LRRC42: variants seen among roughly 807,000 people sequenced by gnomAD.
LRRC42 encodes the protein leucine rich repeat containing 42.
LRRC42 carries 43 observed loss-of-function variants against 44.3 expected under a neutral mutation model. The observed-to-expected ratio is 0.97, with a 90% confidence interval of 0.76 to 1.25. The LOEUF (loss-of-function observed/expected upper bound fraction) is 1.25, where lower values mean the gene tolerates loss of function less well. LRRC42 is among the 50% of genes most tolerant of loss of function. The pLI, the probability that LRRC42 is intolerant of heterozygous loss-of-function variation, is 0.00. For synonymous variants in LRRC42, 207 were observed against 195.2 expected, an observed-to-expected ratio of 1.06 and a Z score of -0.50; for missense variants, 540 against 509.1, an observed-to-expected ratio of 1.06 and a Z score of -0.58.
chr1:53,954,211 C>A (rs897954625), intron 3 of LRRC42, among the ~76,000 whole-genome samples: 3 of 152,128 alleles, frequency 2.0e-5, no homozygotes, highest in Non-Finnish European at 4.4e-5. Flanking sequence ...AGGCCAAATA[C>A]TGTATTTTAA....
intron 5 of LRRC42, among the ~76,000 whole-genome samples, chr1:53,961,484 A>C (rs2100928887): frequency 6.6e-6 from 1 of 152,076 alleles, no homozygotes; most frequent in East Asian, 1.9e-4. Context: ...ATATTTTTTG[A>C]GCATCTACAA....
rs1362533748 is a variant in LRRC42, at chr1:53,967,965, C to T, written c.*26C>T. The T allele has an allele frequency of 1.9e-6, 3 of 1,599,376 alleles. No homozygotes were observed. The highest frequency in any genetic ancestry group is 2.7e-5 in the African/African-American group (2 of 74,412). ...TTAGTAGATACAAGTTGACCTTTCT[C>T]TGGCCCCCAGCTCTAGTGTTTGAGT... is the stretch of plus-strand genomic sequence containing the variant. On this transcript the variant is annotated 3_prime_UTR_variant, in exon 9 of 9. Coordinates refer to ENST00000371370, the MANE Select transcript of LRRC42 (RefSeq NM_001256409.2).
intron 2 of LRRC42, among the ~76,000 whole-genome samples, chr1:53,948,196 TTATC>T (rs1654578815): frequency 6.6e-6 from 1 of 152,212 alleles, no homozygotes; most frequent in Non-Finnish European, 1.5e-5. Context: ...TTATCTTACT[TTATC>T]TACTGAAGTT....
chr1:53,960,920 G>A (rs1372555582), intron 5 of LRRC42, among the ~76,000 whole-genome samples: 2 of 152,162 alleles, frequency 1.3e-5, no homozygotes, highest in African/African-American at 4.8e-5. Context: ...GAGGTTGACA[G>A]AGATCATTTA....
intron 3 of LRRC42, among the ~76,000 whole-genome samples, chr1:53,955,475 T>C (rs1654811656): frequency 1.3e-5 from 2 of 151,354 alleles, no homozygotes; most frequent in Non-Finnish European, 2.9e-5. Context: ...TTTTGTATTT[T>C]TTGGTAGAGA....
Position 53,952,043 on chromosome 1 carries a change from C to G in LRRC42, c.44C>G (p.Pro15Arg), listed in dbSNP as rs1375900600. ...LSSENHLDPGPIYMRENGQLH... is the reference protein window; with the variant it reads ...LSSENHLDPGRIYMRENGQLH... The stretch of plus-strand genomic sequence containing the variant: ...TCAGAAAACCACCTGGACCCAGGGC[C>G]CATCTACATGCGAGAAAATGGGCAG... The change falls in exon 3 of 9, where the codon CCC becomes CGC. Residue 15 changes from proline to arginine, a missense_variant. Transcript: ENST00000371370. 2 of 1,614,124 alleles carry G rather than the reference C, an allele frequency of 1.2e-6. No individual in the cohort carries two copies. The highest frequency in any genetic ancestry group is 1.7e-6 in the Non-Finnish European group (2 of 1,180,018).
intron 6 of LRRC42, 24 bp downstream of exon 6, chr1:53,962,146 C>T: frequency 3.2e-6 from 5 of 1,584,072 alleles, no homozygotes; most frequent in Non-Finnish European, 4.3e-6. Flanking sequence ...TTCCTTCTCT[C>T]ATTTTTCTAG....
In LRRC42 at chr1:53,958,033, T is replaced by C. The variant is rs533730206; in HGVS notation, c.474-116T>C. 11 of 1,255,628 alleles carry C rather than the reference T, an allele frequency of 8.8e-6. No homozygotes were observed. In the East Asian group the frequency reaches 2.9e-4, roughly 33 times the overall value. The allele number at this position is 1,255,628 out of a possible 1,614,324, so 77.8% of individuals were successfully genotyped here. ...ATAGTAATTAGTGAAGTCTGCTTAT[T>C]CCATAGTACTGTGTCCTGATGGGAT... is the stretch of plus-strand genomic sequence containing the variant. On this transcript the variant is annotated intron_variant, in intron 3 of 8. Coordinates refer to ENST00000371370, the MANE Select transcript of LRRC42 (RefSeq NM_001256409.2).
At chr1:53,962,558 A>G (rs1370931885) in intron 7 of LRRC42, 149 bp downstream of exon 7, 3 of 633,990 alleles carry the variant, frequency 4.7e-6, no homozygotes, top group African/African-American at 3.6e-5. Context: ...CTGATGGGCT[A>G]TAACTGGCCC....
At chr1:53,961,998 A>G in intron 5 of LRRC42, 36 bp from the exon 6 acceptor site, 1 of 1,449,402 alleles carries the variant, frequency 6.9e-7, no homozygotes, top group Non-Finnish European at 9.6e-7. Context: ...CAGCATTTAT[A>G]TTGTGACAGA....
At chr1:53,955,632 T>C (rs1654816059) in intron 3 of LRRC42, among the ~76,000 whole-genome samples, 1 of 149,254 alleles carries the variant, frequency 6.7e-6, no homozygotes. Flanking sequence ...CATAATCTTT[T>C]TTTTTTTTTT....
At chr1:53,966,519 C>T (rs1371064982) in intron 8 of LRRC42, 139 bp downstream of exon 8, 3 of 627,522 alleles carry the variant, frequency 4.8e-6, no homozygotes, top group Admixed American at 2.6e-5. Flanking sequence ...ATTCCCTTAG[C>T]ATAGCTTACA....
chr1:53,966,427 C>A (rs532807789), intron 8 of LRRC42, 47 bp downstream of exon 8: 3 of 1,334,482 alleles, frequency 2.2e-6, no homozygotes, highest in Admixed American at 1.7e-5. Flanking sequence ...TTATTTGCAT[C>A]CTTAAAGCAG....
At chr1:53,960,612 C>T in intron 5 of LRRC42, 138 bp downstream of exon 5, 2 of 655,402 alleles carry the variant, frequency 3.1e-6, no homozygotes, top group Non-Finnish European at 5.1e-6. Flanking sequence ...GGTGGCAGAA[C>T]AGGATTGAGG....
At chr1:53,958,880 C>T (rs1037208056) in intron 4 of LRRC42, among the ~76,000 whole-genome samples, 1 of 151,752 alleles carries the variant, frequency 6.6e-6, no homozygotes, top group East Asian at 1.9e-4. Context: ...GCCACTGCGC[C>T]TGGCCCTATT....
At chr1:53,966,490 T>C in intron 8 of LRRC42, 110 bp downstream of exon 8, 1 of 717,630 alleles carries the variant, frequency 1.4e-6, no homozygotes, top group Admixed American at 2.2e-5. Context: ...TTGGCTTATT[T>C]ATGATCACCA....
intron 7 of LRRC42, 42 bp downstream of exon 7, chr1:53,962,451 AT>A: frequency 8.3e-7 from 1 of 1,209,544 alleles, no homozygotes. Flanking sequence ...GCAGCTTTTC[AT>A]CTTAATTCCA....
rs1028439782 is a variant in LRRC42 at position 53,958,384 on chromosome 1, T to C, written c.605+104T>C. The stretch of plus-strand genomic sequence containing the variant: ...ATGCTGATTACTTCCCATTCTTATG[T>C]TGATTTGCTTTTTTTTCCTAAAACA... On this transcript the variant is annotated intron_variant, in intron 4 of 8. Transcript: ENST00000371370. 62 of 1,441,524 alleles carry C rather than the reference T, an allele frequency of 4.3e-5. No homozygotes were observed. The African/African-American group carries it at 5.5e-4, about 13-fold the overall frequency. The allele number at this position is 1,441,524 out of a possible 1,614,324, so 89.3% of individuals were successfully genotyped here. A position where few individuals can be genotyped will look rare whatever the true frequency, so the allele number is the denominator to read the frequency against.
chr1:53,952,892 T>C (rs1654733377), intron 3 of LRRC42, among the ~76,000 whole-genome samples: 1 of 152,204 alleles, frequency 6.6e-6, no homozygotes, highest in South Asian at 2.1e-4. Context: ...CCTTAAAAGA[T>C]TGGGTGATTA....
Sources: allele counts gnomAD v4.1 joint callset (sites outside exome capture counted in the v4.1 genomes callset), GRCh38; gene constraint gnomAD v4.1.1; transcripts MANE v1.5; gene names NCBI Gene and HGNC (gene_info 2026-07-23, HGNC 2026-07-21).